PWWP2A: variants seen among roughly 807,000 people sequenced by gnomAD.
The protein encoded by PWWP2A is PWWP domain containing 2A.
PWWP2A carries 18 observed loss-of-function variants against 48.5 expected under a neutral mutation model. The observed-to-expected ratio is 0.37, with a 90% CI of 0.26 to 0.55. The LOEUF (loss-of-function observed/expected upper bound fraction) is 0.55, where lower values mean the gene tolerates loss of function less well. Among genes scored for constraint, PWWP2A ranks in the 20% least tolerant of loss-of-function variants. The pLI is 0.81. For synonymous variants in PWWP2A, 396 were observed against 387.7 expected (o/e 1.02, Z -0.25); for missense variants, 867 against 976.4 (o/e 0.89, Z 1.49).
At chr5:160,071,282 T>C (rs1753733559), downstream of PWWP2A, among the ~76,000 whole-genome samples, 1 of 152,182 alleles carries the variant, frequency 6.6e-6, no homozygotes. Context: ...AACATTTCAC[T>C]CAACTTTCAA....
chr5:160,091,134 CT>C, downstream of PWWP2A: 1 of 981,558 alleles, frequency 1.0e-6, no homozygotes, highest in Non-Finnish European at 1.2e-6. Flanking sequence ...ATTATCAAAC[CT>C]CTATACTACA....
intron 1 of PWWP2A, among the ~76,000 whole-genome samples, chr5:160,114,412 G>C (rs1581282634): frequency 2.6e-5 from 4 of 151,610 alleles, no homozygotes; most frequent in Admixed American, 2.6e-4. Flanking sequence ...AGTGAGCCAA[G>C]ATTGCACTAC....
chr5:160,045,495 CACACACACACACACACACA>C, the PWWP2A span, among the ~76,000 whole-genome samples: 739 of 116,046 alleles, frequency 6.4e-3, 7 homozygotes, highest in East Asian at 0.021. Flanking sequence ...CACACACACA[CACACACACACACACACACA>C]TACACACTCT....
intron 1 of PWWP2A, among the ~76,000 whole-genome samples, chr5:160,111,213 G>A (rs754624794): frequency 6.6e-6 from 1 of 152,020 alleles, no homozygotes; most frequent in African/African-American, 2.4e-5. Context: ...TGTTGCCCAG[G>A]ATGGAGTGCA....
chr5:160,118,827 C>T lies in PWWP2A; in HGVS notation c.562G>A (p.Val188Ile). The stretch of plus-strand genomic sequence containing the variant: ...TACCTTTTGGACAGATCCATGAGGA[C>T]CCCGGAGAAGAGCTTCTCCCCGAAG... ...FRFGEKLFSGVLMDLSKRFGP... is the reference protein window; with the variant it reads ...FRFGEKLFSGILMDLSKRFGP... The change falls in exon 1 of 2, where the codon GTC (valine) becomes ATC (isoleucine). Residue 188 changes from valine (V) to isoleucine (I), a missense_variant. Physicochemically the swap from Val to Ile is conservative, Grantham distance 29. This residue lies in a region of PWWP2A where 385 missense variants were observed against 396.9 expected (regional missense o/e 0.97). Coordinates refer to ENST00000307063, the MANE Select transcript of PWWP2A (RefSeq NM_001130864.2). 6.4e-7 allele frequency: 1 copy of T among 1,562,872 alleles called. No individual in the cohort carries two copies. The highest frequency in any genetic ancestry group is 1.2e-5 in the South Asian group (1 of 85,114).
downstream of PWWP2A, among the ~76,000 whole-genome samples, chr5:160,071,482 C>G (rs1448396289): frequency 1.3e-5 from 2 of 152,294 alleles, no homozygotes; most frequent in African/African-American, 2.4e-5. Flanking sequence ...ACCACCAGTT[C>G]TGCAGAACTT....
chr5:160,093,008 C>T lies in PWWP2A; in HGVS notation c.1642G>A (p.Asp548Asn). The change falls in exon 2 of 2, where the codon GAT becomes AAT. Residue 548 changes from aspartate to asparagine, a missense_variant. Asp to Asn is a conservative substitution (Grantham distance 23). This residue lies in a region of PWWP2A where 382 missense variants were observed against 407.2 expected (regional missense o/e 0.94). Coordinates refer to ENST00000307063, the MANE Select transcript of PWWP2A (RefSeq NM_001130864.2). The surrounding 1 kb of genome is among the most constrained non-coding windows in gnomAD (Gnocchi z 5.8). ...QDTNEVHVPG[D>N]QDEPQTLGKK... Reference sequence around the variant, plus strand: ...CCCAATGTCTGTGGTTCATCCTGATCACCAGGCACATGCACTTCATTTGTG... The same window carrying T: ...CCCAATGTCTGTGGTTCATCCTGATTACCAGGCACATGCACTTCATTTGTG... 1.3e-6 allele frequency: 2 copies of T among 1,585,446 alleles called. No individual in the cohort carries two copies. The highest frequency in any genetic ancestry group is 1.7e-6 in the Non-Finnish European group (2 of 1,165,116).
chr5:160,108,881 G>A (rs2113641816), intron 1 of PWWP2A, among the ~76,000 whole-genome samples: 1 of 152,294 alleles, frequency 6.6e-6, no homozygotes, highest in South Asian at 2.1e-4. Flanking sequence ...GTCTCAGTAT[G>A]TTGCCAAGGC....
At chr5:160,072,728 CATAA>C (rs34064564), downstream of PWWP2A, among the ~76,000 whole-genome samples, 7 of 151,006 alleles carry the variant, frequency 4.6e-5, no homozygotes, top group African/African-American at 9.7e-5. Context: ...GACTCCGTCT[CATAA>C]ATAAATAAAT....
intron 2 of PWWP2A, among the ~76,000 whole-genome samples, chr5:160,082,389 AGCCGAGATCGC>A (rs1754304525): frequency 6.6e-6 from 1 of 151,014 alleles, no homozygotes; most frequent in African/African-American, 2.4e-5. Context: ...GCTTGCAGTG[AGCCGAGATCGC>A]GCCACTGCAC....
At chr5:160,049,428 G>A in the PWWP2A span, 1 of 1,247,294 alleles carries the variant, frequency 8.0e-7, no homozygotes, top group South Asian at 1.9e-5. Context: ...TATCCTTGGA[G>A]GATGATTGAT....
downstream of PWWP2A, among the ~76,000 whole-genome samples, chr5:160,073,820 T>C (rs1195912779): frequency 6.6e-6 from 1 of 152,078 alleles, no homozygotes; most frequent in Non-Finnish European, 1.5e-5. Context: ...ATCCCAGCAC[T>C]TTGGGAGGTC....
At chr5:160,116,404 C>T (rs528377014) in intron 1 of PWWP2A, among the ~76,000 whole-genome samples, 9 of 151,906 alleles carry the variant, frequency 5.9e-5, no homozygotes, top group African/African-American at 1.9e-4. Flanking sequence ...TGCAGTGAGC[C>T]GAGATCGCAT....
At chr5:160,075,475 G>C (rs558756095), downstream of PWWP2A, among the ~76,000 whole-genome samples, 1 of 152,140 alleles carries the variant, frequency 6.6e-6, no homozygotes, top group South Asian at 2.1e-4. Flanking sequence ...TCAAACCCTT[G>C]ACCTCTCACT....
exon 3 of PWWP2A, chr5:160,066,858 G>A (rs1291079471): frequency 1.3e-5 from 2 of 151,826 alleles, no homozygotes; most frequent in African/African-American, 2.4e-5. Context: ...GAGCAACATA[G>A]CAAGGTTCCA....
chr5:160,109,774 A>AAAAAAT (rs1554104831), intron 1 of PWWP2A, among the ~76,000 whole-genome samples: 2 of 25,224 alleles, frequency 7.9e-5, no homozygotes, highest in African/African-American at 1.5e-4. Flanking sequence ...AAAAAAAAAA[A>AAAAAAT]ATATATATAT....
chr5:160,059,466 T>A (rs1757638483), downstream of PWWP2A, among the ~76,000 whole-genome samples: 1 of 152,254 alleles, frequency 6.6e-6, no homozygotes, highest in South Asian at 2.1e-4. Context: ...CCTAGAACTT[T>A]CTCCATATAA....
At chr5:160,064,553 C>T (rs143805530) in intron 4 of PWWP2A, among the ~76,000 whole-genome samples, 32 of 152,346 alleles carry the variant, frequency 2.1e-4, no homozygotes, top group African/African-American at 6.7e-4. Context: ...ACCAGGCAGA[C>T]CTGGCTTGGC....
the PWWP2A span, among the ~76,000 whole-genome samples, chr5:160,050,273 C>T: frequency 2.6e-5 from 4 of 152,056 alleles, no homozygotes; most frequent in South Asian, 2.1e-4. Flanking sequence ...CATGGAGAAA[C>T]CCTGTCTCTA....
Sources: gnomAD v4.1 joint callset for allele counts (sites outside exome capture counted in the v4.1 genomes callset) on GRCh38, gnomAD v4.1.1 for gene constraint, gnomAD v4.1.1 regional missense constraint, Gnocchi (gnomAD v3.1) non-coding constraint, MANE v1.5 for transcripts, NCBI Gene and HGNC (gene_info 2026-07-23, HGNC 2026-07-21) for gene names.